The following OSBPL3 variants were observed in gnomAD, a reference collection of about 807,000 sequenced individuals.
OSBPL3 encodes the protein oxysterol binding protein like 3, also known as oxysterol-binding protein-related protein 3.
OSBPL3 carries 65 observed loss-of-function variants against 120.1 expected under a neutral mutation model. That is an observed-to-expected ratio of 0.54 (90% CI 0.44 to 0.67). The LOEUF is 0.67. Among genes scored for constraint, OSBPL3 ranks in the 30% least tolerant of loss-of-function variants. The pLI, the probability that OSBPL3 is intolerant of heterozygous loss-of-function variation, is 0.00. For missense variants in OSBPL3, 1,004 were observed against 1,082.1 expected, an observed-to-expected ratio of 0.93 and a Z score of 1.01; for synonymous variants, 416 against 402.6, an observed-to-expected ratio of 1.03 and a Z score of -0.40.
chr7:24,952,963 C>T lies in OSBPL3; in HGVS notation c.-150+26923G>A, dbSNP rs113920937. Among the ~76,000 whole-genome samples, 2,199 of 152,224 alleles carry T rather than the reference C, an allele frequency of 0.014. 56 individuals carry two copies. The highest frequency in any genetic ancestry group is 0.05 in the African/African-American group (2,090 of 41,514). On this transcript the variant is annotated intron_variant, in intron 1 of 22. Transcript: ENST00000313367. The surrounding 1 kb of genome is among the most constrained non-coding windows in gnomAD (Gnocchi z 4.4). ...CCAGCCTGGGCAACACAGCAAGACA[C>T]TGTCTCTACAAAAAAATCTAAAAAT...
chr7:24,882,917 T>A (rs535745656), intron 2 of OSBPL3, among the ~76,000 whole-genome samples: 460 of 152,264 alleles, frequency 3.0e-3, no homozygotes, highest in Non-Finnish European at 5.1e-3. Flanking sequence ...TTAATGAGAT[T>A]ATTTGTTTTT....
intron 1 of OSBPL3, among the ~76,000 whole-genome samples, chr7:24,958,080 A>T (rs1815287069): frequency 1.3e-5 from 2 of 152,264 alleles, no homozygotes; most frequent in South Asian, 4.1e-4. Context: ...TTTGTAAGGT[A>T]CACTTCTAAA....
Position 24,870,814 on chromosome 7 carries a change from T to A in OSBPL3, c.299A>T (p.Asp100Val), listed in dbSNP as rs781513207. Residue 100 changes from aspartate to valine, a missense_variant, in exon 5 of 23, where the codon GAT becomes GTT. By Grantham distance (152) the Asp-to-Val change is radical. Around this residue, in one of 4 missense-constraint regions of OSBPL3, gnomAD observed 255 missense variants for 248.7 expected, o/e 1.03. Coordinates refer to ENST00000313367, the MANE Select transcript of OSBPL3 (RefSeq NM_015550.4). ...TACAGACATCACTGAGAGCCCGACATCAATGCAGCCATGCAGCTTCTCTCT... is the reference window on the plus strand; with the variant it reads ...TACAGACATCACTGAGAGCCCGACAACAATGCAGCCATGCAGCTTCTCTCT... Reference protein sequence around the residue: ...IEREKLHGCIDVGLSVMSVKK... With the variant: ...IEREKLHGCIVVGLSVMSVKK... 1 of 1,613,734 alleles carries A rather than the reference T, an allele frequency of 6.2e-7. No homozygotes were observed. The highest frequency in any genetic ancestry group is 8.5e-7 in the Non-Finnish European group (1 of 1,179,626).
intron 1 of OSBPL3, among the ~76,000 whole-genome samples, chr7:24,907,394 G>C (rs117192778): frequency 0.015 from 2,303 of 152,304 alleles, 25 homozygotes; most frequent in Non-Finnish European, 0.025. Flanking sequence ...GAGTTGCTTC[G>C]TCATGTGAAA....
intron 1 of OSBPL3, among the ~76,000 whole-genome samples, chr7:24,942,268 T>C (rs542380214): frequency 4.1e-4 from 62 of 152,286 alleles, no homozygotes; most frequent in African/African-American, 1.3e-3. Flanking sequence ...ATAGTCAATC[T>C]AAACATAGGT....
In OSBPL3 at chr7:24,820,982, T is replaced by A. The variant is rs963813763; in HGVS notation, c.1885-744A>T. On this transcript the variant is annotated intron_variant, in intron 16 of 22. Coordinates refer to ENST00000313367, the MANE Select transcript of OSBPL3 (RefSeq NM_015550.4). The surrounding 1 kb of genome is among the most constrained non-coding windows in gnomAD (Gnocchi z 4.6). ...GTGCCCTTTGGCAAGGGGTCATTAC[T>A]CATTTTATTCAGCAGTGAAGAGGCT... Among the ~76,000 whole-genome samples the A allele has an allele frequency of 3.3e-5, 5 of 152,210 alleles. No homozygotes were observed. The highest frequency in any genetic ancestry group is 5.9e-5 in the Non-Finnish European group (4 of 68,034).
chr7:24,965,528 C>T lies in OSBPL3; in HGVS notation c.-150+14358G>A, dbSNP rs1312902257. Among the ~76,000 whole-genome samples, 1 of 152,086 alleles carries T rather than the reference C, an allele frequency of 6.6e-6. No individual in the cohort carries two copies. ...TTCTTCTCGGAATCAGAATGGACTC[C>T]AGGCTGGTTAAGACTTGGTCTTCTG... is the stretch of plus-strand genomic sequence containing the variant. On this transcript the variant is annotated intron_variant, in intron 1 of 22. Transcript: ENST00000313367. The surrounding 1 kb of genome is among the most constrained non-coding windows in gnomAD (Gnocchi z 4.3).
At chr7:24,923,344 C>A (rs1251783948) in intron 1 of OSBPL3, among the ~76,000 whole-genome samples, 1 of 152,188 alleles carries the variant, frequency 6.6e-6, no homozygotes, top group East Asian at 1.9e-4. Context: ...CTCATGTCTC[C>A]CTGTCCACTG....
intron 1 of OSBPL3, among the ~76,000 whole-genome samples, chr7:24,924,814 G>A (rs184950100): frequency 2.0e-5 from 3 of 152,288 alleles, no homozygotes; most frequent in Admixed American, 2.0e-4. Flanking sequence ...TTATTCTTGA[G>A]ATACTTAGAC....
In OSBPL3 at chr7:24,956,556, C is replaced by T. The variant is rs140626668; in HGVS notation, c.-150+23330G>A. Among the ~76,000 whole-genome samples, 155 of 152,304 alleles carry T rather than the reference C, an allele frequency of 1.0e-3. 1 individual carries two copies. Among genetic ancestry groups the T allele is most frequent in the African/African-American group, 3.6e-3 (150 of 41,568 alleles). ...AGCTTCACTATCAAATGGCCATCTTCCTTTGTCTTACGCACATGAGGCATA... is the reference window on the plus strand; with the variant it reads ...AGCTTCACTATCAAATGGCCATCTTTCTTTGTCTTACGCACATGAGGCATA... On this transcript the variant is annotated intron_variant, in intron 1 of 22. Coordinates refer to ENST00000313367, the MANE Select transcript of OSBPL3 (RefSeq NM_015550.4).
chr7:24,933,628 A>G lies in OSBPL3; in HGVS notation c.-149-41007T>C, dbSNP rs1812052306. Among the ~76,000 whole-genome samples the G allele has an allele frequency of 6.6e-6, 1 of 152,232 alleles. No individual in the cohort carries two copies. The highest frequency in any genetic ancestry group is 1.5e-5 in the Non-Finnish European group (1 of 68,042). On this transcript the variant is annotated intron_variant, in intron 1 of 22. Transcript: ENST00000313367. This position sits in a 1 kb window ranked among gnomAD's most constrained non-coding sequence, Gnocchi z 5.1. The stretch of plus-strand genomic sequence containing the variant: ...CATTCCCAAGAAAAACTAGTAATTG[A>G]GCAAAACTCTAAGCTTGTGTAAAAA...
intron 1 of OSBPL3, among the ~76,000 whole-genome samples, chr7:24,931,793 A>G (rs1811824217): frequency 6.6e-6 from 1 of 152,210 alleles, no homozygotes; most frequent in Non-Finnish European, 1.5e-5. Flanking sequence ...AAATAAAGAG[A>G]AGTATGAAAC....
At chr7:24,869,886 C>T (rs1056743751) in intron 5 of OSBPL3, among the ~76,000 whole-genome samples, 1 of 152,134 alleles carries the variant, frequency 6.6e-6, no homozygotes, top group African/African-American at 2.4e-5. Flanking sequence ...TCCTCAGGCC[C>T]CATTCCCAAT....
At position 24,871,927 on chromosome 7, in the gene OSBPL3, A is replaced by G. The variant is rs746752911; in HGVS notation, c.213+26T>C. The stretch of plus-strand genomic sequence containing the variant: ...TGAGTGGGGCAGTGTGAGTGCAAAT[A>G]AAGGGGAGGCCAAGACCAACCTTAC... On this transcript the variant is annotated intron_variant, in intron 3 of 22. Transcript: ENST00000313367. The surrounding 1 kb of genome is among the most constrained non-coding windows in gnomAD (Gnocchi z 4.8). 5 of 1,544,164 alleles carry G rather than the reference A, an allele frequency of 3.2e-6. No individual in the cohort carries two copies. The highest frequency in any genetic ancestry group is 4.5e-6 in the Non-Finnish European group (5 of 1,116,582).
chr7:24,831,620 G>A lies in OSBPL3; in HGVS notation c.1747-715C>T, dbSNP rs994358385. ...TTAGCAATTCCCCGTCAGGGCATCAGGGAGGCACATTACCTTCTTTGTCTT... is the reference window on the plus strand; with the variant it reads ...TTAGCAATTCCCCGTCAGGGCATCAAGGAGGCACATTACCTTCTTTGTCTT... On this transcript the variant is annotated intron_variant, in intron 15 of 22. Transcript: ENST00000313367. This position sits in a 1 kb window ranked among gnomAD's most constrained non-coding sequence, Gnocchi z 4.0. 2.0e-5 allele frequency among the ~76,000 whole-genome samples: 3 copies of A among 152,206 alleles called. No homozygotes were observed. Among genetic ancestry groups the A allele is most frequent in the Admixed American group, 6.5e-5 (1 of 15,288 alleles).
intron 5 of OSBPL3, among the ~76,000 whole-genome samples, chr7:24,869,727 C>G (rs959388827): frequency 6.6e-6 from 1 of 152,172 alleles, no homozygotes; most frequent in African/African-American, 2.4e-5. Flanking sequence ...TACAGTTAGG[C>G]TAGGAAATAG....
rs1320995812 is a variant in OSBPL3, at chr7:24,830,650, T to G, written c.1884+118A>C. 9.8e-7 allele frequency: 1 copy of G among 1,017,478 alleles called. No individual in the cohort carries two copies. Among genetic ancestry groups the G allele is most frequent in the African/African-American group, 1.6e-5 (1 of 61,186 alleles). 63.0% of individuals were successfully genotyped at this position (1,017,478 alleles called of 1,614,324 possible). A position where few individuals can be genotyped will look rare whatever the true frequency, so the allele number is the denominator to read the frequency against. Reference sequence around the variant, plus strand: ...TCCCTCCCTTTATGTTGAAAAGCACTGTAATTATCTCGGCTGCTTTGAAGC... The same window carrying G: ...TCCCTCCCTTTATGTTGAAAAGCACGGTAATTATCTCGGCTGCTTTGAAGC... On this transcript the variant is annotated intron_variant, in intron 16 of 22. Coordinates refer to ENST00000313367, the MANE Select transcript of OSBPL3 (RefSeq NM_015550.4). The surrounding 1 kb of genome is among the most constrained non-coding windows in gnomAD (Gnocchi z 4.4).
rs905902803 is a variant in OSBPL3, at chr7:24,831,145, G to A, written c.1747-240C>T. 6.6e-6 allele frequency among the ~76,000 whole-genome samples: 1 copy of A among 152,150 alleles called. No individual in the cohort carries two copies. Among genetic ancestry groups the A allele is most frequent in the African/African-American group, 2.4e-5 (1 of 41,430 alleles). ...ATTTATCTTGATGCCTAAAAGTTGGGAGATGCTATAAAGACGATGACATTT... is the reference window on the plus strand; with the variant it reads ...ATTTATCTTGATGCCTAAAAGTTGGAAGATGCTATAAAGACGATGACATTT... On this transcript the variant is annotated intron_variant, in intron 15 of 22. Coordinates refer to ENST00000313367, the MANE Select transcript of OSBPL3 (RefSeq NM_015550.4). The surrounding 1 kb of genome is among the most constrained non-coding windows in gnomAD (Gnocchi z 4.0).
intron 7 of OSBPL3, among the ~76,000 whole-genome samples, chr7:24,864,361 G>A (rs971057610): frequency 6.6e-6 from 1 of 152,110 alleles, no homozygotes; most frequent in Admixed American, 6.5e-5. Flanking sequence ...CAGCTCGTTG[G>A]GCTCCACCCC....
Sources: gnomAD v4.1 joint callset for allele counts (sites outside exome capture counted in the v4.1 genomes callset) on GRCh38, gnomAD v4.1.1 for gene constraint, gnomAD v4.1.1 regional missense constraint, Gnocchi (gnomAD v3.1) non-coding constraint, MANE v1.5 for transcripts, NCBI Gene and HGNC (gene_info 2026-07-23, HGNC 2026-07-21) for gene names.